Variants in ZFHX3 observed in about 807,000 individuals in gnomAD.
The protein encoded by ZFHX3 is zinc finger homeobox protein 3.
ZFHX3 carries 42 observed loss-of-function variants against 279.1 expected under a neutral mutation model. The ratio of observed to expected loss-of-function variants is 0.15; its 90% CI spans 0.12 to 0.19. The LOEUF (loss-of-function observed/expected upper bound fraction) is 0.19. Ranked by LOEUF, ZFHX3 falls within the 10% of genes least tolerant of loss-of-function variation. ZFHX3 has a pLI of 1.00. For missense variants in ZFHX3, 4,981 were observed against 4,754.0 expected, an observed-to-expected ratio of 1.05 and a Z score of -1.40; for synonymous variants, 2,293 against 1,957.8, an observed-to-expected ratio of 1.17 and a Z score of -4.52.
chr16:72,879,717 G>A (rs781058857), intron 4 of ZFHX3, among the ~76,000 whole-genome samples: 7 of 152,196 alleles, frequency 4.6e-5, no homozygotes, highest in Non-Finnish European at 1.0e-4. Flanking sequence ...GAGCCACCAT[G>A]CCCAGCTAAG....
At chr16:73,143,835 A>G in intron 5 of ZFHX3, 1 of 1,274,544 alleles carries the variant, frequency 7.8e-7, no homozygotes, top group Non-Finnish European at 1.0e-6. Context: ...TTCCGAGCTG[A>G]AGAAGAAAAG....
intron 2 of ZFHX3, chr16:73,543,914 G>GAGAC (rs1367884885): frequency 5.3e-5 from 8 of 151,532 alleles, no homozygotes; most frequent in African/African-American, 1.5e-4. Context: ...GAGAGAGACA[G>GAGAC]AGGGAGAGAG....
At chr16:73,291,830 G>A (rs1176349405) in intron 4 of ZFHX3, among the ~76,000 whole-genome samples, 2 of 152,220 alleles carry the variant, frequency 1.3e-5, no homozygotes, top group East Asian at 1.9e-4. Flanking sequence ...GGTTAATAGG[G>A]CCTGGCTTGG....
At chr16:73,794,580 G>C (rs555475706) in intron 1 of ZFHX3, among the ~76,000 whole-genome samples, 1 of 152,090 alleles carries the variant, frequency 6.6e-6, no homozygotes. Flanking sequence ...CCTGAGAGGG[G>C]ACATAGGGAC....
intron 2 of ZFHX3, among the ~76,000 whole-genome samples, chr16:73,557,285 G>A (rs192091795): frequency 6.6e-6 from 1 of 152,074 alleles, no homozygotes; most frequent in African/African-American, 2.4e-5. Flanking sequence ...GTAGCGCTTT[G>A]GGAAAATAAA....
At chr16:73,431,252 T>A (rs62042254) in intron 3 of ZFHX3, among the ~76,000 whole-genome samples, 2 of 143,530 alleles carry the variant, frequency 1.4e-5, no homozygotes, top group African/African-American at 5.1e-5. Context: ...TTTTTTTTTT[T>A]ATGTCAGCCA....
chr16:73,433,012 C>A (rs548504800), intron 3 of ZFHX3, among the ~76,000 whole-genome samples: 1 of 152,324 alleles, frequency 6.6e-6, no homozygotes, highest in South Asian at 2.1e-4. Flanking sequence ...CCTGGCCAAG[C>A]CACAGGAGGG....
chr16:73,471,806 G>C (rs542456166), intron 2 of ZFHX3, among the ~76,000 whole-genome samples: 73 of 152,272 alleles, frequency 4.8e-4, no homozygotes, highest in Admixed American at 2.7e-3. Context: ...TGCTGGAAAA[G>C]GAGAAAATGA....
chr16:72,860,199 C>T (rs1425077251), intron 4 of ZFHX3, among the ~76,000 whole-genome samples: 1 of 152,054 alleles, frequency 6.6e-6, no homozygotes, highest in Admixed American at 6.5e-5. Flanking sequence ...GGGAGGAAAA[C>T]ACAGAGCCCC....
intron 1 of ZFHX3, among the ~76,000 whole-genome samples, chr16:73,792,510 C>T (rs542279791): frequency 1.3e-5 from 2 of 152,176 alleles, no homozygotes; most frequent in African/African-American, 2.4e-5. Flanking sequence ...TTTATTAATT[C>T]TAAATACACT....
At chr16:73,529,533 C>T (rs1263049345) in intron 2 of ZFHX3, among the ~76,000 whole-genome samples, 1 of 152,192 alleles carries the variant, frequency 6.6e-6, no homozygotes, top group African/African-American at 2.4e-5. Context: ...ACCTGCTTGG[C>T]TCCTGCCTCC....
chr16:73,859,269 C>T lies in ZFHX3; in HGVS notation c.-1608+32382G>A, dbSNP rs114345476. On this transcript the variant is annotated intron_variant, in intron 1 of 17. Transcript: ENST00000641206. Reference sequence around the variant, plus strand: ...ACCAGGCACAATGGTAAAAGAACATCGCTAAATTTAAATCTTGTTATGTTA... The same window carrying T: ...ACCAGGCACAATGGTAAAAGAACATTGCTAAATTTAAATCTTGTTATGTTA... Among the ~76,000 whole-genome samples the T allele has an allele frequency of 4.6e-3, 705 of 152,244 alleles. 8 individuals carry two copies. Among genetic ancestry groups the T allele is most frequent in the African/African-American group, 0.016 (648 of 41,548 alleles).
intron 4 of ZFHX3, among the ~76,000 whole-genome samples, chr16:73,262,126 G>A (rs2013844272): frequency 6.6e-6 from 1 of 152,314 alleles, no homozygotes; most frequent in Non-Finnish European, 1.5e-5. Context: ...TATTAATAAT[G>A]CCACATTTTC....
At chr16:72,847,152 T>C (rs2037502329) in intron 4 of ZFHX3, among the ~76,000 whole-genome samples, 1 of 152,198 alleles carries the variant, frequency 6.6e-6, no homozygotes, top group South Asian at 2.1e-4. Context: ...ACTTTGTAAA[T>C]TTAAAAGCCA....
chr16:73,606,777 A>G (rs1034806411), intron 2 of ZFHX3, among the ~76,000 whole-genome samples: 1 of 152,010 alleles, frequency 6.6e-6, no homozygotes, highest in Non-Finnish European at 1.5e-5. Flanking sequence ...GTTTCCCCAC[A>G]TGTGTCCATG....
At chr16:72,868,926 G>A (rs977325355) in intron 4 of ZFHX3, among the ~76,000 whole-genome samples, 28 of 152,180 alleles carry the variant, frequency 1.8e-4, no homozygotes, top group Non-Finnish European at 1.8e-4. Context: ...TCTAAGAATG[G>A]ACAGGAGAAA....
chr16:72,865,746 C>A (rs1037953351), intron 4 of ZFHX3, among the ~76,000 whole-genome samples: 1 of 152,196 alleles, frequency 6.6e-6, no homozygotes, highest in Non-Finnish European at 1.5e-5. Flanking sequence ...TCAGGACTGG[C>A]TCTTCCCAAT....
At chr16:73,515,589 A>G (rs1215939238) in intron 2 of ZFHX3, among the ~76,000 whole-genome samples, 2 of 152,048 alleles carry the variant, frequency 1.3e-5, no homozygotes, top group African/African-American at 4.8e-5. Context: ...AGGGAGAGAG[A>G]GAGAGGAAGA....
chr16:73,263,512 T>C (rs1052096195), intron 4 of ZFHX3, among the ~76,000 whole-genome samples: 9 of 152,256 alleles, frequency 5.9e-5, no homozygotes, highest in African/African-American at 2.2e-4. Flanking sequence ...GGGTGACCAA[T>C]TCTCCACCTA....
Sources: gnomAD v4.1 joint callset for allele counts (sites outside exome capture counted in the v4.1 genomes callset) on GRCh38, gnomAD v4.1.1 for gene constraint, MANE v1.5 for transcripts, NCBI Gene and HGNC (gene_info 2026-07-23, HGNC 2026-07-21) for gene names.